Variants in DHRSX observed in about 807,000 individuals in gnomAD.
DHRSX encodes the protein polyprenol dehydrogenase.
In DHRSX, 31 loss-of-function variants were observed where a neutral mutation model predicts 34.0. The ratio of observed to expected loss-of-function variants is 0.91; its 90% CI spans 0.69 to 1.23. The LOEUF is 1.23. DHRSX is among the 50% of genes most tolerant of loss of function. The probability of loss-of-function intolerance (pLI) is 0.00; values close to 1 mark genes in which losing one functional copy is unlikely to be tolerated. For missense variants in DHRSX, 414 were observed against 428.1 expected, an observed-to-expected ratio of 0.97 and a Z score of 0.29; for synonymous variants, 201 against 183.8, an observed-to-expected ratio of 1.09 and a Z score of -0.76.
chrX:2,293,102 A>C (rs1277610719), intron 3 of DHRSX, among the ~76,000 whole-genome samples: 3 of 152,104 alleles, frequency 2.0e-5, no homozygotes, highest in Admixed American at 1.3e-4. Flanking sequence ...ATTTTTAGAG[A>C]GTGAATGACT....
At chrX:2,423,443 T>C (rs1009057739) in intron 2 of DHRSX, among the ~76,000 whole-genome samples, 15 of 151,778 alleles carry the variant, frequency 9.9e-5, no homozygotes, top group African/African-American at 3.6e-4. Context: ...ATAAATAAAA[T>C]GAGCTTGGCA....
chrX:2,427,422 C>G (rs1332458756), intron 1 of DHRSX, among the ~76,000 whole-genome samples: 1 of 152,144 alleles, frequency 6.6e-6, no homozygotes, highest in African/African-American at 2.4e-5. Context: ...TCCACTTGAG[C>G]TGGAGGAAGA....
chrX:2,265,554 C>T (rs1569481706), intron 5 of DHRSX, among the ~76,000 whole-genome samples: 1 of 136,902 alleles, frequency 7.3e-6, no homozygotes, highest in Non-Finnish European at 1.6e-5. Context: ...CCCAGAGCAC[C>T]AGTGCTCAGC....
intron 3 of DHRSX, among the ~76,000 whole-genome samples, chrX:2,362,728 CGCCA>C (rs1245319081): frequency 7.9e-5 from 12 of 151,718 alleles, no homozygotes; most frequent in Non-Finnish European, 1.5e-5. Context: ...GAGATCATGC[CGCCA>C]TTTTATCACC....
At chrX:2,402,983 A>G in intron 3 of DHRSX, among the ~76,000 whole-genome samples, 1 of 150,978 alleles carries the variant, frequency 6.6e-6, no homozygotes, top group East Asian at 1.9e-4. Flanking sequence ...CCCAGATTCA[A>G]GCAATTCTCC....
At chrX:2,499,126 A>G (rs5939513) in intron 1 of DHRSX, among the ~76,000 whole-genome samples, 96,731 of 151,818 alleles carry the variant, frequency 0.64, 31,026 homozygotes, top group South Asian at 0.77. Flanking sequence ...GACCCCTGGG[A>G]TTCCTTCAGT....
At chrX:2,379,608 T>G (rs28716883) in intron 3 of DHRSX, among the ~76,000 whole-genome samples, 44,806 of 143,548 alleles carry the variant, frequency 0.31, 7,651 homozygotes, top group Admixed American at 0.44. Flanking sequence ...TTTTTTTTTT[T>G]TTTTTTTTTT....
rs1603024080 is a variant in DHRSX at position 2,375,480 on chromosome X, G to A, written c.286+33265C>T. Among the ~76,000 whole-genome samples, 2 of 138,012 alleles carry A rather than the reference G, an allele frequency of 1.4e-5. 1 individual carries two copies. Among genetic ancestry groups the A allele is most frequent in the Non-Finnish European group, 3.4e-5 (2 of 58,454 alleles). 90.5% of individuals were successfully genotyped at this position (138,012 alleles called of 152,430 possible). ...ATATTTAGCTGGGCACACGCCGTGTGGATGCCCGTTTTCTTCCTCCTAGGG... is the reference window on the plus strand; with the variant it reads ...ATATTTAGCTGGGCACACGCCGTGTAGATGCCCGTTTTCTTCCTCCTAGGG... On this transcript the variant is annotated intron_variant, in intron 3 of 6. Transcript: ENST00000334651.
chrX:2,478,805 C>T (rs781543176), intron 1 of DHRSX, among the ~76,000 whole-genome samples: 9 of 150,066 alleles, frequency 6.0e-5, no homozygotes, highest in African/African-American at 2.2e-4. Flanking sequence ...GAATGTGGCC[C>T]GGGGACCACC....
intron 3 of DHRSX, among the ~76,000 whole-genome samples, chrX:2,305,998 G>T (rs2042092792): frequency 7.5e-6 from 1 of 132,954 alleles, no homozygotes; most frequent in Non-Finnish European, 1.6e-5. Flanking sequence ...ATAATAAAAA[G>T]AATAGCTAAC....
intron 3 of DHRSX, among the ~76,000 whole-genome samples, chrX:2,399,725 C>CAAAAAAAAAAAAAAAAAAAAAA (rs779558142): frequency 2.6e-4 from 9 of 35,214 alleles, no homozygotes; most frequent in Admixed American, 6.6e-4. Context: ...AAACAAAAAG[C>CAAAAAAAAAAAAAAAAAAAAAA]AAAAAAAAAA....
At chrX:2,447,853 G>T in intron 1 of DHRSX, among the ~76,000 whole-genome samples, 1 of 101,132 alleles carries the variant, frequency 9.9e-6, no homozygotes, top group Admixed American at 9.4e-5. Flanking sequence ...GTGCAATGGT[G>T]GTTGCCAGGG....
At chrX:2,359,612 C>G (rs2042902624) in intron 3 of DHRSX, among the ~76,000 whole-genome samples, 1 of 151,790 alleles carries the variant, frequency 6.6e-6, no homozygotes, top group African/African-American at 2.4e-5. Flanking sequence ...GTGCAGTGAG[C>G]TGAGGCAGAG....
chrX:2,386,366 G>A (rs1469810734), intron 3 of DHRSX, among the ~76,000 whole-genome samples: 12 of 151,948 alleles, frequency 7.9e-5, no homozygotes, highest in Non-Finnish European at 1.5e-4. Flanking sequence ...TTACAGGCCT[G>A]TGCCACCACA....
intron 3 of DHRSX, among the ~76,000 whole-genome samples, chrX:2,356,390 A>G (rs1172475171): frequency 6.6e-6 from 1 of 152,206 alleles, no homozygotes; most frequent in Non-Finnish European, 1.5e-5. Context: ...AAGAAAAAAA[A>G]TGAATGTGGA....
intron 1 of DHRSX, chrX:2,500,445 C>T (rs1445681225): frequency 6.1e-6 from 1 of 162,718 alleles, no homozygotes; most frequent in Non-Finnish European, 1.4e-5. Context: ...GGCGTGCGAG[C>T]CCCCGGGTCC....
chrX:2,407,451 C>T (rs1206688361), intron 3 of DHRSX, among the ~76,000 whole-genome samples: 3 of 152,132 alleles, frequency 2.0e-5, no homozygotes, highest in Non-Finnish European at 4.4e-5. Context: ...CCCCGCAACC[C>T]GGAGAGAGGG....
At chrX:2,250,161 CAAAAA>C (rs1036532155) in intron 5 of DHRSX, among the ~76,000 whole-genome samples, 1 of 101,810 alleles carries the variant, frequency 9.8e-6, no homozygotes, top group Non-Finnish European at 1.9e-5. Context: ...GACTCCATCT[CAAAAA>C]AAAAAAAAAA....
At chrX:2,355,891 C>A (rs1442190323) in intron 3 of DHRSX, among the ~76,000 whole-genome samples, 1 of 151,710 alleles carries the variant, frequency 6.6e-6, no homozygotes, top group Non-Finnish European at 1.5e-5. Flanking sequence ...CATGGTAAAA[C>A]CCCATCTCTA....
Sources: allele counts gnomAD v4.1 joint callset (sites outside exome capture counted in the v4.1 genomes callset), GRCh38; gene constraint gnomAD v4.1.1; transcripts MANE v1.5; gene names NCBI Gene and HGNC (gene_info 2026-07-23, HGNC 2026-07-21).